DLGAP1: variants seen among roughly 807,000 people sequenced by gnomAD.
The protein encoded by DLGAP1 is disks large-associated protein 1.
Under a neutral mutation model 90.8 loss-of-function variants are expected in DLGAP1, and 11 were observed. That is an observed-to-expected ratio of 0.12 (90% CI 0.08 to 0.20). The LOEUF is 0.20. Among genes scored for constraint, DLGAP1 ranks in the 10% least tolerant of loss-of-function variants. The pLI is 1.00. For missense variants in DLGAP1, 1,050 were observed against 1,333.8 expected (o/e 0.79, Z 3.31); for synonymous variants, 558 against 540.7 (o/e 1.03, Z -0.44).
intron 7 of DLGAP1, chr18:3,596,959 C>T (rs1054875139): frequency 3.8e-6 from 2 of 519,952 alleles, no homozygotes; most frequent in African/African-American, 1.9e-5. Context: ...GGGTCGTCCA[C>T]CCGATGTCCC....
At chr18:4,410,070 A>C (rs895059162) in intron 1 of DLGAP1, among the ~76,000 whole-genome samples, 2 of 152,220 alleles carry the variant, frequency 1.3e-5, no homozygotes, top group Non-Finnish European at 2.9e-5. Flanking sequence ...AAAACCAAAC[A>C]TGGTATGTTC....
chr18:4,356,683 T>C (rs2081523597), intron 1 of DLGAP1, among the ~76,000 whole-genome samples: 1 of 152,190 alleles, frequency 6.6e-6, no homozygotes, highest in African/African-American at 2.4e-5. Context: ...GTTTTCTATG[T>C]TGCTACTCTG....
intron 1 of DLGAP1, among the ~76,000 whole-genome samples, chr18:4,415,038 T>TAC (rs987956560): frequency 0.071 from 9,294 of 130,876 alleles, 910 homozygotes; most frequent in African/African-American, 0.26. Flanking sequence ...TATATATATA[T>TAC]ACACACACAC....
rs951547295 is a variant in DLGAP1, at chr18:3,925,098, G to A, written c.-72-44958C>T. Among the ~76,000 whole-genome samples the A allele has an allele frequency of 6.6e-5, 10 of 151,920 alleles. 1 individual carries two copies. The highest frequency in any genetic ancestry group is 2.0e-4 in the Admixed American group (3 of 15,246). ...CTCCTGAGTAGCTAGGACTACAGGC[G>A]TGCCACACCACGCCTAGCTAATTTT... On this transcript the variant is annotated intron_variant, in intron 3 of 12. Coordinates refer to ENST00000315677, the MANE Select transcript of DLGAP1 (RefSeq NM_004746.4).
At chr18:4,191,338 C>G (rs1389834553) in intron 1 of DLGAP1, among the ~76,000 whole-genome samples, 1 of 152,092 alleles carries the variant, frequency 6.6e-6, no homozygotes, top group Non-Finnish European at 1.5e-5. Context: ...TATACATTTT[C>G]CTTTACATAG....
intron 3 of DLGAP1, among the ~76,000 whole-genome samples, chr18:3,989,625 A>T (rs2073919926): frequency 6.6e-6 from 1 of 152,226 alleles, no homozygotes; most frequent in Admixed American, 6.5e-5. Flanking sequence ...CTTGATTTGA[A>T]GTTAAAAAAC....
intron 5 of DLGAP1, among the ~76,000 whole-genome samples, chr18:3,758,378 T>A (rs1004363514): frequency 7.2e-5 from 11 of 152,202 alleles, no homozygotes; most frequent in African/African-American, 1.9e-4. Flanking sequence ...ATGAGAGAGC[T>A]CAAAATTTCT....
chr18:3,837,382 T>A (rs775232040), intron 4 of DLGAP1, among the ~76,000 whole-genome samples: 1 of 152,200 alleles, frequency 6.6e-6, no homozygotes, highest in Non-Finnish European at 1.5e-5. Flanking sequence ...GGTTTTAGAC[T>A]CAGCTGTAAA....
chr18:3,825,427 C>A (rs1356289384), intron 4 of DLGAP1, among the ~76,000 whole-genome samples: 1 of 152,168 alleles, frequency 6.6e-6, no homozygotes, highest in East Asian at 1.9e-4. Flanking sequence ...TTGCATATAA[C>A]CTATGCATTA....
intron 10 of DLGAP1, among the ~76,000 whole-genome samples, chr18:3,527,693 C>T (rs556692020): frequency 6.6e-6 from 1 of 151,976 alleles, no homozygotes; most frequent in Non-Finnish European, 1.5e-5. Flanking sequence ...TGGGCTCAAG[C>T]AATGCTCTCA....
At chr18:3,871,253 C>G (rs770303850) in intron 4 of DLGAP1, among the ~76,000 whole-genome samples, 4 of 152,152 alleles carry the variant, frequency 2.6e-5, no homozygotes, top group Non-Finnish European at 4.4e-5. Context: ...TCAAAGCCTT[C>G]TTTTACAAGG....
intron 1 of DLGAP1, among the ~76,000 whole-genome samples, chr18:4,234,390 A>G (rs2078361800): frequency 6.6e-6 from 1 of 152,186 alleles, no homozygotes; most frequent in African/African-American, 2.4e-5. Context: ...ACAGTAACCA[A>G]GCAAAACTTG....
chr18:4,409,913 C>G (rs923396233), intron 1 of DLGAP1, among the ~76,000 whole-genome samples: 1 of 151,962 alleles, frequency 6.6e-6, no homozygotes, highest in Non-Finnish European at 1.5e-5. Context: ...AACCAATGAC[C>G]GTCAGTCAAC....
At chr18:4,260,573 T>C (rs1238166822) in intron 1 of DLGAP1, among the ~76,000 whole-genome samples, 2 of 152,200 alleles carry the variant, frequency 1.3e-5, no homozygotes, top group African/African-American at 2.4e-5. Flanking sequence ...ACGAAAGATA[T>C]ATTAAATATA....
In DLGAP1 at chr18:4,165,163, A is replaced by C. The variant is rs78188631; in HGVS notation, c.-266-13876T>G. The stretch of plus-strand genomic sequence containing the variant: ...GAAAACTCCAAACAAGATAAACCCC[A>C]AAAAGTGTAGACTAATTAAAATTAA... On this transcript the variant is annotated intron_variant, in intron 1 of 12. Transcript: ENST00000315677. 2.0e-3 allele frequency among the ~76,000 whole-genome samples: 304 copies of C among 152,322 alleles called. 6 individuals carry two copies. In the East Asian group the frequency reaches 0.045, roughly 23 times the overall value.
chr18:4,080,431 T>C (rs951607441), intron 2 of DLGAP1, among the ~76,000 whole-genome samples: 1 of 152,232 alleles, frequency 6.6e-6, no homozygotes, highest in Non-Finnish European at 1.5e-5. Flanking sequence ...CAAAATATAG[T>C]TCTTTGACAT....
At chr18:4,389,358 A>T (rs576124366) in intron 1 of DLGAP1, among the ~76,000 whole-genome samples, 14 of 152,284 alleles carry the variant, frequency 9.2e-5, no homozygotes, top group African/African-American at 2.9e-4. Context: ...GCCAAGGGGT[A>T]CGGGTAGGGG....
intron 4 of DLGAP1, among the ~76,000 whole-genome samples, chr18:3,841,049 A>G (rs1018791694): frequency 2.6e-5 from 4 of 152,224 alleles, no homozygotes; most frequent in South Asian, 2.1e-4. Context: ...TTCCACAAAG[A>G]GCATAGCTAA....
chr18:4,076,693 G>T, intron 2 of DLGAP1, among the ~76,000 whole-genome samples: 1 of 151,814 alleles, frequency 6.6e-6, no homozygotes, highest in South Asian at 2.1e-4. Flanking sequence ...GCGTGATCTC[G>T]GCTCACTGCA....
Sources: allele counts gnomAD v4.1 joint callset (sites outside exome capture counted in the v4.1 genomes callset), GRCh38; gene constraint gnomAD v4.1.1; transcripts MANE v1.5; gene names NCBI Gene and HGNC (gene_info 2026-07-23, HGNC 2026-07-21).